Variants in FGF13 observed in about 807,000 individuals in gnomAD.
FGF13 encodes the protein fibroblast growth factor homologous factor 2.
In FGF13, 2 loss-of-function variants were observed where a neutral mutation model predicts 19.5. The ratio of observed to expected loss-of-function variants is 0.10; its 90% CI spans 0.04 to 0.32. The LOEUF (loss-of-function observed/expected upper bound fraction) is 0.32. FGF13 is among the 10% of genes least tolerant of loss of function. The pLI, the probability that FGF13 is intolerant of heterozygous loss-of-function variation, is 1.00. For synonymous variants in FGF13, 72 were observed against 76.9 expected (o/e 0.94, Z 0.33); for missense variants, 113 against 192.7 (o/e 0.59, Z 2.45).
At chrX:138,981,864 C>T in intron 1 of FGF13, among the ~76,000 whole-genome samples, 1 of 111,081 alleles carries the variant, frequency 9.0e-6, no homozygotes, top group Admixed American at 9.7e-5. Flanking sequence ...CTCTTACCGC[C>T]TGCCTTAATC....
chrX:138,904,555 A>G (rs1483917219), intron 1 of FGF13, among the ~76,000 whole-genome samples: 1 of 111,673 alleles, frequency 9.0e-6, no homozygotes, highest in African/African-American at 3.3e-5. Context: ...CACTGGCTGC[A>G]CAAATAAACT....
At chrX:139,004,657 T>C (rs2124365995) in intron 1 of FGF13, among the ~76,000 whole-genome samples, 1 of 112,104 alleles carries the variant, frequency 8.9e-6, no homozygotes, top group Admixed American at 9.4e-5. Context: ...AGGCCTTGGC[T>C]CTTCAATGAC....
intron 1 of FGF13, among the ~76,000 whole-genome samples, chrX:139,053,209 CATAG>C (rs2092308331): frequency 9.0e-6 from 1 of 111,068 alleles, no homozygotes; most frequent in Admixed American, 9.6e-5. Context: ...AGTATTCCAT[CATAG>C]ATAGATATGT....
intron 1 of FGF13, among the ~76,000 whole-genome samples, chrX:138,921,551 T>C (rs1354606829): frequency 9.0e-6 from 1 of 111,665 alleles, no homozygotes; most frequent in Non-Finnish European, 1.9e-5. Context: ...TCACTATTAC[T>C]TCCAACTTTC....
intron 1 of FGF13, among the ~76,000 whole-genome samples, chrX:139,141,144 T>C (rs1461206490): frequency 1.9e-5 from 2 of 107,337 alleles, no homozygotes; most frequent in African/African-American, 7.1e-5. Context: ...ATTGGCACCC[T>C]TTCCCCAAGG....
chrX:138,867,244 C>T (rs59153287), intron 1 of FGF13, among the ~76,000 whole-genome samples: 50 of 110,081 alleles, frequency 4.5e-4, no homozygotes, highest in African/African-American at 1.6e-3. Flanking sequence ...CACATCTCTA[C>T]AAAAAAAATT....
Position 138,643,099 on chromosome X carries a change from A to G in FGF13, c.403-7444T>C, listed in dbSNP as rs2089267514. 2.7e-5 allele frequency among the ~76,000 whole-genome samples: 3 copies of G among 112,095 alleles called. No individual in the cohort carries two copies. The Admixed American group carries it at 2.8e-4, about 11-fold the overall frequency. Reference sequence around the variant, plus strand: ...TTTTTCTCCTTAGTTCTTCACAAACAAAAATAAGAAAACTATTCAGGAACC... The same window carrying G: ...TTTTTCTCCTTAGTTCTTCACAAACGAAAATAAGAAAACTATTCAGGAACC... On this transcript the variant is annotated intron_variant, in intron 3 of 4. Transcript: ENST00000315930.
intron 1 of FGF13, among the ~76,000 whole-genome samples, chrX:139,111,835 C>G (rs2083604925): frequency 8.9e-6 from 1 of 111,981 alleles, no homozygotes; most frequent in Non-Finnish European, 1.9e-5. Flanking sequence ...TTCTAAATTC[C>G]TTATACATGA....
chrX:139,093,360 A>G (rs1321010066), intron 1 of FGF13, among the ~76,000 whole-genome samples: 2 of 112,027 alleles, frequency 1.8e-5, no homozygotes, highest in African/African-American at 6.5e-5. Flanking sequence ...ACTTTCAGAC[A>G]GCTCCTCCTT....
At chrX:139,146,534 A>G (rs1359734223) in intron 1 of FGF13, among the ~76,000 whole-genome samples, 3 of 112,333 alleles carry the variant, frequency 2.7e-5, no homozygotes, top group Admixed American at 1.9e-4. Flanking sequence ...ACTGTAAACT[A>G]GTTAACCATT....
intron 1 of FGF13, among the ~76,000 whole-genome samples, chrX:139,010,773 A>G (rs1223545965): frequency 9.0e-6 from 1 of 111,000 alleles, no homozygotes; most frequent in African/African-American, 3.3e-5. Context: ...ATCCAAACCC[A>G]AACCCCGCAG....
chrX:138,690,075 T>C (rs1419818285), intron 3 of FGF13, among the ~76,000 whole-genome samples: 2 of 111,529 alleles, frequency 1.8e-5, no homozygotes, highest in South Asian at 3.8e-4. Flanking sequence ...ATAAATGTAA[T>C]GAAGAGCTTT....
At chrX:138,783,868 A>G (rs140313134) in intron 3 of FGF13, among the ~76,000 whole-genome samples, 3,276 of 110,601 alleles carry the variant, frequency 0.03, 127 homozygotes, top group African/African-American at 0.1. Context: ...ATGCACATGT[A>G]TGTCTATTGC....
chrX:139,173,616 T>G (rs2084152356), intron 1 of FGF13, among the ~76,000 whole-genome samples: 2 of 110,502 alleles, frequency 1.8e-5, no homozygotes, highest in South Asian at 7.8e-4. Flanking sequence ...TGTGTTCTCA[T>G]TGTTCAACTC....
At chrX:138,911,253 G>T (rs1281731439) in intron 1 of FGF13, among the ~76,000 whole-genome samples, 1 of 111,780 alleles carries the variant, frequency 8.9e-6, no homozygotes, top group Non-Finnish European at 1.9e-5. Flanking sequence ...TAGTGAGAAT[G>T]CCTGTGTCTG....
intron 1 of FGF13, among the ~76,000 whole-genome samples, chrX:139,136,751 T>C (rs2083804971): frequency 9.0e-6 from 1 of 111,701 alleles, no homozygotes; most frequent in South Asian, 3.8e-4. Flanking sequence ...TTAGACTCAG[T>C]GCCAAGGGTT....
At chrX:139,153,064 C>T (rs981069026) in intron 1 of FGF13, among the ~76,000 whole-genome samples, 5 of 111,428 alleles carry the variant, frequency 4.5e-5, no homozygotes, top group African/African-American at 1.6e-4. Flanking sequence ...GGGATAATCT[C>T]TACCCTTGTG....
At chrX:139,152,843 C>T (rs189544692) in intron 1 of FGF13, among the ~76,000 whole-genome samples, 1 of 111,004 alleles carries the variant, frequency 9.0e-6, no homozygotes, top group Admixed American at 9.6e-5. Context: ...CCTTCACCTG[C>T]AGCCTTTTGT....
chrX:138,801,908 A>G (rs2123998848), intron 3 of FGF13, among the ~76,000 whole-genome samples: 1 of 111,433 alleles, frequency 9.0e-6, no homozygotes, highest in African/African-American at 3.3e-5. Context: ...CTCAAGCCTC[A>G]GTAATGGTGG....
Sources: gnomAD v4.1 joint callset for allele counts (sites outside exome capture counted in the v4.1 genomes callset) on GRCh38, gnomAD v4.1.1 for gene constraint, MANE v1.5 for transcripts, NCBI Gene and HGNC (gene_info 2026-07-23, HGNC 2026-07-21) for gene names.